The following CRB1 variants were observed in gnomAD, a reference collection of about 807,000 sequenced individuals.
CRB1 encodes the protein crumbs cell polarity complex component 1.
In CRB1, 83 loss-of-function variants were observed where a neutral mutation model predicts 120.0. The ratio of observed to expected loss-of-function variants is 0.69; its 90% CI spans 0.58 to 0.83. The LOEUF (loss-of-function observed/expected upper bound fraction) is 0.83, where lower values mean the gene tolerates loss of function less well. Ranked by LOEUF, CRB1 falls within the 40% of genes least tolerant of loss-of-function variation. The pLI is 0.00. For synonymous variants in CRB1, 625 were observed against 612.5 expected (o/e 1.02, Z -0.30); for missense variants, 1,699 against 1,687.6 (o/e 1.01, Z -0.12).
chr1:197,418,901 G>A (rs910815799), intron 5 of CRB1, among the ~76,000 whole-genome samples: 3 of 152,030 alleles, frequency 2.0e-5, no homozygotes, highest in Admixed American at 6.5e-5. Flanking sequence ...ATAAAATTAC[G>A]CAATTTACAG....
intron 5 of CRB1, among the ~76,000 whole-genome samples, chr1:197,419,530 T>C (rs1478644442): frequency 6.6e-6 from 1 of 151,892 alleles, no homozygotes; most frequent in Non-Finnish European, 1.5e-5. Flanking sequence ...GCTTGGCCAG[T>C]TTTTGTATTT....
At chr1:197,444,418 A>G (rs1665602107) in intron 11 of CRB1, 1 of 152,224 alleles carries the variant, frequency 6.6e-6, no homozygotes. Context: ...TTTTGTGACA[A>G]AAGACATGGG....
chr1:197,310,821 TATC>T (rs1426179398), intron 1 of CRB1, among the ~76,000 whole-genome samples: 2 of 152,150 alleles, frequency 1.3e-5, no homozygotes, highest in Non-Finnish European at 2.9e-5. Context: ...GAGTAGGAAA[TATC>T]ATATGCTTCT....
At chr1:197,387,985 C>T (rs1662306373) in intron 5 of CRB1, among the ~76,000 whole-genome samples, 1 of 151,334 alleles carries the variant, frequency 6.6e-6, no homozygotes, top group African/African-American at 2.4e-5. Context: ...TGTGTAAACT[C>T]ATCTCTCTCT....
the CRB1 span, among the ~76,000 whole-genome samples, chr1:197,220,662 T>C: frequency 6.6e-6 from 1 of 152,208 alleles, no homozygotes; most frequent in Non-Finnish European, 1.5e-5. Context: ...ATTATTGATA[T>C]GGTTTGGATT....
the CRB1 span, among the ~76,000 whole-genome samples, chr1:197,258,796 T>C: frequency 2.6e-5 from 4 of 152,242 alleles, no homozygotes; most frequent in African/African-American, 7.2e-5. Context: ...ATCTATAAAA[T>C]GGAAAAAATA....
Position 197,471,584 on chromosome 1 carries a change from C to T in CRB1, c.4006-6080C>T, listed in dbSNP as rs548689079. Among the ~76,000 whole-genome samples, 11 of 152,300 alleles carry T rather than the reference C, an allele frequency of 7.2e-5. No individual in the cohort carries two copies. In the South Asian group the frequency reaches 1.2e-3, roughly 17 times the overall value. On this transcript the variant is annotated intron_variant, in intron 11 of 11. Coordinates refer to ENST00000367400, the MANE Select transcript of CRB1 (RefSeq NM_201253.3). ...GCCATCCTTTCTTCACATTCCTAAG[C>T]CTTTTATTTGGTGGAAGGAGCATCT... is the stretch of plus-strand genomic sequence containing the variant.
the CRB1 span, among the ~76,000 whole-genome samples, chr1:197,239,970 G>A: frequency 6.6e-6 from 1 of 151,152 alleles, no homozygotes; most frequent in African/African-American, 2.4e-5. Context: ...AGAATGAAGT[G>A]TATAAACCTT....
intron 10 of CRB1, chr1:197,439,572 G>A (rs941604031): frequency 1.3e-5 from 2 of 152,148 alleles, no homozygotes; most frequent in Non-Finnish European, 2.9e-5. Context: ...CAGCATAACT[G>A]TATGAATAAA....
chr1:197,293,272 A>T (rs1413076189), intron 1 of CRB1, among the ~76,000 whole-genome samples: 3 of 152,094 alleles, frequency 2.0e-5, no homozygotes, highest in Admixed American at 1.3e-4. Flanking sequence ...CCAATAACAG[A>T]CAAACAGAGA....
At chr1:197,295,233 C>T (rs1453169124) in intron 1 of CRB1, among the ~76,000 whole-genome samples, 2 of 151,936 alleles carry the variant, frequency 1.3e-5, no homozygotes, top group Non-Finnish European at 2.9e-5. Context: ...GTCATGTTGC[C>T]TTCTAGCTTG....
chr1:197,305,863 T>A (rs984271965), intron 1 of CRB1, among the ~76,000 whole-genome samples: 7 of 148,776 alleles, frequency 4.7e-5, no homozygotes, highest in Non-Finnish European at 8.9e-5. Context: ...ATATAGGTGA[T>A]AAATTACTCA....
chr1:197,203,472 A>ATGC, the CRB1 span, among the ~76,000 whole-genome samples: 1 of 152,086 alleles, frequency 6.6e-6, no homozygotes, highest in Non-Finnish European at 1.5e-5. Context: ...CTACAGGCGC[A>ATGC]TGCTACCACA....
chr1:197,391,174 T>C (rs896532224), intron 5 of CRB1, among the ~76,000 whole-genome samples: 2 of 152,128 alleles, frequency 1.3e-5, no homozygotes, highest in African/African-American at 4.8e-5. Context: ...GTGGTGTTCA[T>C]CAAACAGACA....
rs932320737 is a variant in CRB1 at position 197,460,224 on chromosome 1, G to A, written c.4006-17440G>A. ...GCATCACTAAAAAAGAGTCTCTGGG[G>A]CAATAGACTGATGTTATTACTCACC... On this transcript the variant is annotated intron_variant, in intron 11 of 11. Transcript: ENST00000367400. 3.3e-5 allele frequency among the ~76,000 whole-genome samples: 5 copies of A among 151,752 alleles called. No homozygotes were observed. The East Asian group carries it at 7.7e-4, about 23-fold the overall frequency.
chr1:197,402,803 A>G (rs1234786435), intron 5 of CRB1, among the ~76,000 whole-genome samples: 2 of 152,226 alleles, frequency 1.3e-5, no homozygotes, highest in African/African-American at 4.8e-5. Context: ...ACATATCTGT[A>G]TAACTAATTC....
chr1:197,450,708 AGGTGGGCGGATCACG>A (rs1665918711), intron 11 of CRB1, among the ~76,000 whole-genome samples: 1 of 144,884 alleles, frequency 6.9e-6, no homozygotes, highest in Non-Finnish European at 1.5e-5. Flanking sequence ...TGGGAGGCCG[AGGTGGGCGGATCACG>A]AGGTCAAGAG....
the CRB1 span, among the ~76,000 whole-genome samples, chr1:197,225,991 C>T: frequency 6.6e-6 from 1 of 152,088 alleles, no homozygotes; most frequent in Non-Finnish European, 1.5e-5. Context: ...AACCCTGCCT[C>T]CTGGGTCCAA....
chr1:197,452,512 A>G (rs1461091656), intron 11 of CRB1, among the ~76,000 whole-genome samples: 1 of 152,230 alleles, frequency 6.6e-6, no homozygotes, highest in Non-Finnish European at 1.5e-5. Context: ...AGCATGTATG[A>G]GATGAAGGGA....
Sources: gnomAD v4.1 joint callset for allele counts (sites outside exome capture counted in the v4.1 genomes callset) on GRCh38, gnomAD v4.1.1 for gene constraint, MANE v1.5 for transcripts, NCBI Gene and HGNC (gene_info 2026-07-23, HGNC 2026-07-21) for gene names.